PHF24: variants seen among roughly 807,000 people sequenced by gnomAD.
PHF24 encodes Galpha inhibitory interacting protein.
Under a neutral mutation model 42.6 loss-of-function variants are expected in PHF24, and 25 were observed. The observed-to-expected ratio is 0.59, with a 90% confidence interval of 0.43 to 0.82. The LOEUF is 0.82. PHF24 is among the 40% of genes least tolerant of loss of function. The pLI, the probability that PHF24 is intolerant of heterozygous loss-of-function variation, is 0.00. For synonymous variants in PHF24, 185 were observed against 204.8 expected, an observed-to-expected ratio of 0.90 and a Z score of 0.83; for missense variants, 470 against 538.1, an observed-to-expected ratio of 0.87 and a Z score of 1.25.
chr9:34,769,856 T>A, the PHF24 span, among the ~76,000 whole-genome samples: 1 of 152,254 alleles, frequency 6.6e-6, no homozygotes, highest in Non-Finnish European at 1.5e-5. Flanking sequence ...CTTGCCTTCT[T>A]GAAAAAGATA....
At chr9:34,906,764 A>G in the PHF24 span, among the ~76,000 whole-genome samples, 1 of 152,180 alleles carries the variant, frequency 6.6e-6, no homozygotes, top group Non-Finnish European at 1.5e-5. Flanking sequence ...TTATCTAAAC[A>G]AGTAACTTTG....
At chr9:34,860,221 T>A in the PHF24 span, among the ~76,000 whole-genome samples, 1 of 152,200 alleles carries the variant, frequency 6.6e-6, no homozygotes, top group East Asian at 1.9e-4. Context: ...CATTTATTGA[T>A]TGATGTCTAA....
the PHF24 span, among the ~76,000 whole-genome samples, chr9:34,720,064 G>A: frequency 6.6e-6 from 1 of 152,182 alleles, no homozygotes; most frequent in Non-Finnish European, 1.5e-5. Flanking sequence ...GAGGAAGCAA[G>A]TCCTGCCACC....
the PHF24 span, among the ~76,000 whole-genome samples, chr9:34,739,626 C>T: frequency 2.4e-3 from 367 of 152,180 alleles, 1 homozygote; most frequent in African/African-American, 7.9e-3. Context: ...CCAGTGGGTT[C>T]GTGGTCTCAC....
chr9:34,708,165 G>GA, the PHF24 span, among the ~76,000 whole-genome samples: 1 of 152,166 alleles, frequency 6.6e-6, no homozygotes, highest in South Asian at 2.1e-4. Context: ...CTCTGGGGAG[G>GA]AAGAGGTAGA....
chr9:34,726,958 C>T, the PHF24 span: 1 of 1,550,976 alleles, frequency 6.4e-7, no homozygotes, highest in Non-Finnish European at 8.7e-7. Flanking sequence ...GGATTCGCCG[C>T]ACACTTCTCT....
At chr9:34,978,255 T>C in exon 8 of PHF24, 1 of 627,632 alleles carries the variant, frequency 1.6e-6, no homozygotes, top group South Asian at 1.9e-5. Flanking sequence ...TTTAAGGCAC[T>C]GAAATCACCA....
At chr9:34,723,939 G>T in the PHF24 span, 8 of 1,551,418 alleles carry the variant, frequency 5.2e-6, no homozygotes, top group Non-Finnish European at 7.0e-6. Context: ...TGAAAGCTAC[G>T]GCTCCATCGC....
At chr9:34,665,824 G>C in the PHF24 span, 1 of 612,222 alleles carries the variant, frequency 1.6e-6, no homozygotes, top group Non-Finnish European at 2.9e-6. Context: ...GACAGGGTGG[G>C]CTTGGAGATT....
At chr9:34,981,563 T>A (rs1827390873) in exon 8 of PHF24, 1 of 152,092 alleles carries the variant, frequency 6.6e-6, no homozygotes, top group Non-Finnish European at 1.5e-5. Context: ...GACTGAGAAC[T>A]GGTAGCTGGC....
At chr9:34,767,675 G>T in the PHF24 span, among the ~76,000 whole-genome samples, 1 of 152,202 alleles carries the variant, frequency 6.6e-6, no homozygotes, top group Non-Finnish European at 1.5e-5. Context: ...GCAATGCCTC[G>T]CCCTGCTTCG....
chr9:34,807,725 T>A, the PHF24 span, among the ~76,000 whole-genome samples: 1 of 152,186 alleles, frequency 6.6e-6, no homozygotes, highest in South Asian at 2.1e-4. Flanking sequence ...ATTGTCTTGA[T>A]ACAAACAGGT....
rs921356077 is a variant in PHF24 at position 34,971,241 on chromosome 9, C to G, written c.-4-54C>G. ...TGCCACTTAGGTTGAAACTGATTAG[C>G]CTGACATCCTCAGCCATTGGCTGAA... On this transcript the variant is annotated intron_variant, in intron 1 of 7. Transcript: ENST00000242315. 3 of 1,535,894 alleles carry G rather than the reference C, an allele frequency of 2.0e-6. No individual in the cohort carries two copies. The Admixed American group carries it at 5.9e-5, about 30-fold the overall frequency.
chr9:34,945,729 AG>A, the PHF24 span, among the ~76,000 whole-genome samples: 1 of 152,142 alleles, frequency 6.6e-6, no homozygotes, highest in Non-Finnish European at 1.5e-5. Context: ...CACAGCACAA[AG>A]GCCCTTGTTT....
chr9:34,875,938 ACACACACACACACT>A, the PHF24 span, among the ~76,000 whole-genome samples: 2 of 88,428 alleles, frequency 2.3e-5, no homozygotes, highest in African/African-American at 9.5e-5. Context: ...ACACACACAC[ACACACACACACACT>A]CTCTCTCTCT....
chr9:34,676,217 A>G, the PHF24 span, among the ~76,000 whole-genome samples: 1 of 152,314 alleles, frequency 6.6e-6, no homozygotes, highest in Non-Finnish European at 1.5e-5. Flanking sequence ...CGCAGATACC[A>G]GAGACATTAA....
At chr9:34,727,932 A>G in the PHF24 span, 22 of 1,221,228 alleles carry the variant, frequency 1.8e-5, no homozygotes, top group East Asian at 5.5e-4. Flanking sequence ...CCCAGCCATT[A>G]TCTTTCTCCT....
chr9:34,841,279 G>A, the PHF24 span, among the ~76,000 whole-genome samples: 4 of 152,260 alleles, frequency 2.6e-5, no homozygotes, highest in South Asian at 4.1e-4. Context: ...GATTGCAGGC[G>A]TGAGCCACCG....
the PHF24 span, among the ~76,000 whole-genome samples, chr9:34,756,799 TG>T: frequency 6.6e-6 from 1 of 152,214 alleles, no homozygotes; most frequent in Non-Finnish European, 1.5e-5. Flanking sequence ...TAGATCACTC[TG>T]GGTACAATGG....
Sources: gnomAD v4.1 joint callset for allele counts (sites outside exome capture counted in the v4.1 genomes callset) on GRCh38, gnomAD v4.1.1 for gene constraint, MANE v1.5 for transcripts, NCBI Gene and HGNC (gene_info 2026-07-23, HGNC 2026-07-21) for gene names.